The following SENP5 variants were observed in gnomAD, a reference collection of about 807,000 sequenced individuals.
The protein encoded by SENP5 is sentrin-specific protease 5.
A neutral mutation model predicts 74.2 loss-of-function variants in SENP5; 21 were observed. The observed-to-expected ratio is 0.28, with a 90% confidence interval of 0.20 to 0.41. SENP5 has a LOEUF of 0.41. Ranked by LOEUF, SENP5 falls within the 10% of genes least tolerant of loss-of-function variation. SENP5 has a pLI of 1.00. For synonymous variants in SENP5, 311 were observed against 312.7 expected, an observed-to-expected ratio of 0.99 and a Z score of 0.06; for missense variants, 717 against 889.1, an observed-to-expected ratio of 0.81 and a Z score of 2.46.
chr3:196,927,688 A>C, intron 7 of SENP5, 108 bp from the exon 8 acceptor site: 1 of 611,726 alleles, frequency 1.6e-6, no homozygotes, highest in Non-Finnish European at 2.9e-6. Flanking sequence ...TATTCTGCCC[A>C]GTTATGGGGC....
intron 1 of SENP5, among the ~76,000 whole-genome samples, chr3:196,874,432 T>G (rs1028847766): frequency 3.9e-5 from 6 of 151,984 alleles, no homozygotes; most frequent in African/African-American, 1.5e-4. Flanking sequence ...TGAACACTTT[T>G]AATCCTTATC....
intron 1 of SENP5, among the ~76,000 whole-genome samples, chr3:196,872,300 A>G (rs983398715): frequency 1.3e-5 from 2 of 152,226 alleles, no homozygotes; most frequent in African/African-American, 4.8e-5. Context: ...AATGTAAAGG[A>G]AACGCATGTG....
At chr3:196,911,310 C>A (rs1001938420) in intron 6 of SENP5, among the ~76,000 whole-genome samples, 1 of 152,118 alleles carries the variant, frequency 6.6e-6, no homozygotes, top group African/African-American at 2.4e-5. Context: ...GCAGTCTACC[C>A]ACCTGACAAA....
At chr3:196,906,809 A>G (rs969519037) in intron 6 of SENP5, among the ~76,000 whole-genome samples, 3 of 152,168 alleles carry the variant, frequency 2.0e-5, no homozygotes, top group Non-Finnish European at 2.9e-5. Context: ...GTTTTTAGTG[A>G]CATTATCCAC....
intron 5 of SENP5, 137 bp from the exon 6 acceptor site, chr3:196,903,392 CTCAA>C (rs1714779166): frequency 3.8e-6 from 2 of 522,708 alleles, no homozygotes; most frequent in Non-Finnish European, 6.7e-6. Context: ...CACTTGCCTC[CTCAA>C]TCATTGTTTT....
rs1000153976 is a variant in SENP5, at chr3:196,886,020, G to A, written c.839G>A (p.Arg280Lys). ...KVTGDHQETR[R>K]ENGEGGSCSP... ...ACTGGGGACCATCAAGAGACCCGTA[G>A]GGAGAACGGTGAGGGTGGCAGTTGC... is the stretch of plus-strand genomic sequence containing the variant. Residue 280 changes from arginine to lysine, a missense_variant, in exon 2 of 10, where the codon AGG (arginine) becomes AAG (lysine). Around this residue, in one of 4 missense-constraint regions of SENP5, gnomAD observed 567 missense variants for 577.4 expected, o/e 0.98. Transcript: ENST00000323460. The A allele has an allele frequency of 6.2e-7, 1 of 1,614,184 alleles. No homozygotes were observed. Among genetic ancestry groups the A allele is most frequent in the South Asian group, 1.1e-5 (1 of 91,084 alleles).
chr3:196,885,121 A>G (rs879505923), intron 1 of SENP5, 30 bp from the exon 2 acceptor site: 23 of 1,329,672 alleles, frequency 1.7e-5, no homozygotes, highest in Non-Finnish European at 2.4e-5. Context: ...ATTTTTAGAT[A>G]GAAATATAAC....
In SENP5 at chr3:196,925,517, C is replaced by T. The variant is rs563828961; in HGVS notation, c.2022+1966C>T. On this transcript the variant is annotated intron_variant, in intron 7 of 9. Transcript: ENST00000323460. ...CAGCCATATCAGTGCCTTTAAGACTCAGATTCTGACAGGCAGAGGAGAGCA... is the reference window on the plus strand; with the variant it reads ...CAGCCATATCAGTGCCTTTAAGACTTAGATTCTGACAGGCAGAGGAGAGCA... Among the ~76,000 whole-genome samples the T allele has an allele frequency of 6.6e-5, 10 of 152,344 alleles. No individual in the cohort carries two copies. The East Asian group carries it at 1.9e-3, about 29-fold the overall frequency.
intron 1 of SENP5, among the ~76,000 whole-genome samples, chr3:196,879,813 A>G (rs1713643164): frequency 1.3e-5 from 2 of 152,008 alleles, no homozygotes. Flanking sequence ...TTTCTGGGAG[A>G]TTGCTCAAAA....
chr3:196,920,357 A>G (rs766805004), intron 6 of SENP5, among the ~76,000 whole-genome samples: 13 of 152,210 alleles, frequency 8.5e-5, no homozygotes, highest in Non-Finnish European at 1.6e-4. Context: ...AGTTGTTTGT[A>G]TATAGAAATA....
chr3:196,898,051 G>A (rs1263698478), intron 2 of SENP5, among the ~76,000 whole-genome samples: 7 of 151,328 alleles, frequency 4.6e-5, no homozygotes, highest in Non-Finnish European at 8.8e-5. Context: ...GGTGGCGGGC[G>A]CCTGTAATCC....
intron 2 of SENP5, among the ~76,000 whole-genome samples, chr3:196,887,501 G>A (rs12639201): frequency 0.21 from 32,464 of 151,090 alleles, 4,243 homozygotes; most frequent in East Asian, 0.73. Flanking sequence ...TTTTCAACTG[G>A]ATTGTTTCTG....
Position 196,885,647 on chromosome 3 carries a change from A to G in SENP5, c.466A>G (p.Arg156Gly). 1.2e-6 allele frequency: 2 copies of G among 1,614,232 alleles called. No homozygotes were observed. Among genetic ancestry groups the G allele is most frequent in the Middle Eastern group, 1.6e-4 (1 of 6,062 alleles). The change falls in exon 2 of 10, where the codon AGA becomes GGA. Residue 156 changes from arginine (R) to glycine (G), a missense_variant. Arg to Gly is a moderately radical substitution (Grantham distance 125). Transcript: ENST00000323460. The stretch of plus-strand genomic sequence containing the variant: ...TGCTTTAGGTCAGGCCAATGGTCAC[A>G]GACCTAGGACAGACCCACAACCTTC... ...NSALGQANGH[R>G]PRTDPQPSDF... is the part of the protein sequence containing the mutation.
chr3:196,891,909 G>C (rs1382278025), intron 2 of SENP5, among the ~76,000 whole-genome samples: 3 of 151,916 alleles, frequency 2.0e-5, no homozygotes, highest in Non-Finnish European at 4.4e-5. Flanking sequence ...TCCTGCCTCA[G>C]CCTCCGGAGT....
At chr3:196,869,025 A>T (rs1713080549) in intron 1 of SENP5, among the ~76,000 whole-genome samples, 1 of 152,048 alleles carries the variant, frequency 6.6e-6, no homozygotes, top group South Asian at 2.1e-4. Flanking sequence ...ACTCTCTCCT[A>T]GCCATCCACA....
chr3:196,927,770 C>G (rs761314465), intron 7 of SENP5, 26 bp from the exon 8 acceptor site: 1 of 1,365,348 alleles, frequency 7.3e-7, no homozygotes, highest in South Asian at 1.2e-5. Flanking sequence ...AACACAGCAT[C>G]TGTGTTGTGG....
In SENP5 at chr3:196,903,645, A is replaced by C. The variant is rs760219438; in HGVS notation, c.1884+35A>C. 1.2e-5 allele frequency: 16 copies of C among 1,379,896 alleles called. No homozygotes were observed. The African/African-American group carries it at 2.2e-4, about 19-fold the overall frequency. The allele number at this position is 1,379,896 out of a possible 1,614,324, so 85.5% of individuals were successfully genotyped here. ...TTATTTCTTTTTTATTCCAAATTTG[A>C]AACGCAGATGATAAACCACTTTGTG... On this transcript the variant is annotated intron_variant, in intron 6 of 9. Coordinates refer to ENST00000323460, the MANE Select transcript of SENP5 (RefSeq NM_152699.5).
chr3:196,934,652 TTACAG>T lies in SENP5; in HGVS notation c.*3733_*3737del, dbSNP rs923550274. On this transcript the variant is annotated 3_prime_UTR_variant, in exon 10 of 10. Coordinates refer to ENST00000323460, the MANE Select transcript of SENP5 (RefSeq NM_152699.5). ...ATTTAGAGATTATGATCATGTAAAA[TTACAG>T]TACTCAACCCTTCTAGCAAAGTATT... The T allele has an allele frequency of 1.3e-5, 2 of 152,234 alleles. No individual in the cohort carries two copies. The highest frequency in any genetic ancestry group is 4.8e-5 in the African/African-American group (2 of 41,460). 9.4% of individuals were successfully genotyped at this position (152,234 alleles called of 1,614,324 possible).
chr3:196,885,365 A>C lies in SENP5; in HGVS notation c.184A>C (p.Lys62Gln). The change falls in exon 2 of 10, where the codon AAA becomes CAA. Residue 62 changes from lysine (K) to glutamine (Q), a missense_variant. By Grantham distance (53) the Lys-to-Gln change is moderately conservative. Coordinates refer to ENST00000323460, the MANE Select transcript of SENP5 (RefSeq NM_152699.5). ...GTTGAGACATTTCCAGGGTAGAAAGAAAGCTCTTCAAATCCAGAAAACGTG... is the reference window on the plus strand; with the variant it reads ...GTTGAGACATTTCCAGGGTAGAAAGCAAGCTCTTCAAATCCAGAAAACGTG... The part of the protein sequence containing the change: ...RQLRHFQGRK[K>Q]ALQIQKTWIK... The C allele has an allele frequency of 1.2e-6, 2 of 1,614,216 alleles. No homozygotes were observed. Among genetic ancestry groups the C allele is most frequent in the Non-Finnish European group, 1.7e-6 (2 of 1,180,046 alleles).
Sources: gnomAD v4.1 joint callset for allele counts (sites outside exome capture counted in the v4.1 genomes callset) on GRCh38, gnomAD v4.1.1 for gene constraint, gnomAD v4.1.1 regional missense constraint, MANE v1.5 for transcripts, NCBI Gene and HGNC (gene_info 2026-07-23, HGNC 2026-07-21) for gene names.